The following IQCM variants were observed in gnomAD, a reference collection of about 807,000 sequenced individuals.
IQCM encodes the protein IQ domain-containing protein M.
A neutral mutation model predicts 57.6 loss-of-function variants in IQCM; 45 were observed. The ratio of observed to expected loss-of-function variants is 0.78; its 90% confidence interval spans 0.62 to 1.00. The LOEUF is 1.00. Among genes scored for constraint, IQCM ranks in the 50% least tolerant of loss-of-function variants. The pLI is 0.00. For missense variants in IQCM, 468 were observed against 511.6 expected (o/e 0.91, Z 0.82); for synonymous variants, 148 against 158.9 (o/e 0.93, Z 0.51).
intron 12 of IQCM, among the ~76,000 whole-genome samples, chr4:149,446,319 A>G (rs1314300096): frequency 6.6e-6 from 1 of 151,780 alleles, no homozygotes; most frequent in Non-Finnish European, 1.5e-5. Context: ...TCTTTGCGGT[A>G]AGCTAACTGG....
chr4:149,734,035 G>T (rs1277089063), intron 4 of IQCM, among the ~76,000 whole-genome samples: 1 of 151,886 alleles, frequency 6.6e-6, no homozygotes, highest in African/African-American at 2.4e-5. Flanking sequence ...AATCATAATT[G>T]CTTCTTTATT....
At chr4:149,449,413 A>G (rs1736863550) in intron 12 of IQCM, among the ~76,000 whole-genome samples, 1 of 145,822 alleles carries the variant, frequency 6.9e-6, no homozygotes, top group Non-Finnish European at 1.5e-5. Flanking sequence ...ATTTATATAT[A>G]TATAGTTCCT....
At chr4:149,424,046 A>C (rs947587319) in intron 13 of IQCM, among the ~76,000 whole-genome samples, 1 of 151,942 alleles carries the variant, frequency 6.6e-6, no homozygotes, top group Non-Finnish European at 1.5e-5. Context: ...GTAATCCTTC[A>C]TGTACACATT....
intron 13 of IQCM, among the ~76,000 whole-genome samples, chr4:149,369,013 T>G (rs1282772079): frequency 1.4e-5 from 1 of 69,318 alleles, no homozygotes; most frequent in Non-Finnish European, 2.8e-5. Flanking sequence ...TATATACACG[T>G]GTATATATAT....
chr4:149,377,326 A>G (rs989775164), intron 13 of IQCM, among the ~76,000 whole-genome samples: 6 of 152,148 alleles, frequency 3.9e-5, no homozygotes, highest in Non-Finnish European at 8.8e-5. Flanking sequence ...TAAACAAAAC[A>G]TTTCTGAAGA....
At chr4:149,461,596 A>G (rs1321482113) in intron 12 of IQCM, among the ~76,000 whole-genome samples, 1 of 150,646 alleles carries the variant, frequency 6.6e-6, no homozygotes, top group East Asian at 2.0e-4. Context: ...CGAGGCTGCC[A>G]TGAGCTGTGA....
intron 12 of IQCM, among the ~76,000 whole-genome samples, chr4:149,501,254 A>T (rs954013266): frequency 5.9e-5 from 9 of 152,320 alleles, no homozygotes; most frequent in African/African-American, 2.2e-4. Context: ...GATTGAACTA[A>T]TCACATTGTG....
At chr4:149,656,598 T>C (rs1299770880) in intron 7 of IQCM, among the ~76,000 whole-genome samples, 1 of 152,138 alleles carries the variant, frequency 6.6e-6, no homozygotes, top group African/African-American at 2.4e-5. Context: ...ACTTCCAAAA[T>C]GGATTGAGAA....
At chr4:149,386,966 A>C (rs1731472334) in intron 13 of IQCM, among the ~76,000 whole-genome samples, 1 of 152,046 alleles carries the variant, frequency 6.6e-6, no homozygotes, top group Admixed American at 6.6e-5. Context: ...ATATAGCACC[A>C]CAAATCAGGC....
chr4:149,731,270 A>G (rs1766432465), intron 5 of IQCM, among the ~76,000 whole-genome samples: 1 of 152,202 alleles, frequency 6.6e-6, no homozygotes, highest in Non-Finnish European at 1.5e-5. Context: ...GAGAGGTTTC[A>G]GAGAGCTGCT....
At chr4:149,668,943 C>A (rs1015510939) in intron 7 of IQCM, among the ~76,000 whole-genome samples, 2 of 152,092 alleles carry the variant, frequency 1.3e-5, no homozygotes, top group Admixed American at 1.3e-4. Flanking sequence ...CCTAAATAAT[C>A]AATATCAAGA....
chr4:149,539,218 A>G lies in IQCM; in HGVS notation c.1228+9237T>C, dbSNP rs555442594. ...ATATTTATACAAAGAAATCTCATTC[A>G]GCAATAAGAAAGAATATAGTACTTA... On this transcript the variant is annotated intron_variant, in intron 12 of 13. Coordinates refer to ENST00000636793, the MANE Select transcript of IQCM (RefSeq NM_001363507.2). 4.6e-5 allele frequency among the ~76,000 whole-genome samples: 7 copies of G among 152,304 alleles called. No individual in the cohort carries two copies. In the East Asian group the frequency reaches 1.4e-3, roughly 29 times the overall value.
At chr4:149,367,801 C>A (rs755759109) in intron 13 of IQCM, among the ~76,000 whole-genome samples, 1 of 152,000 alleles carries the variant, frequency 6.6e-6, no homozygotes, top group African/African-American at 2.4e-5. Context: ...TAGGTCTCAG[C>A]CAGCAAAAGA....
intron 13 of IQCM, among the ~76,000 whole-genome samples, chr4:149,396,515 A>AT (rs1372793464): frequency 6.6e-6 from 1 of 151,988 alleles, no homozygotes; most frequent in African/African-American, 2.4e-5. Flanking sequence ...TATCCCAGTG[A>AT]TTTTTGCATA....
chr4:149,407,482 C>A (rs1369994091), intron 13 of IQCM, among the ~76,000 whole-genome samples: 1 of 152,054 alleles, frequency 6.6e-6, no homozygotes, highest in Non-Finnish European at 1.5e-5. Context: ...GGTGCCCCAC[C>A]ATTTGGAGTC....
intron 12 of IQCM, among the ~76,000 whole-genome samples, chr4:149,495,300 G>T (rs1449330064): frequency 6.6e-6 from 1 of 152,162 alleles, no homozygotes; most frequent in Middle Eastern, 3.4e-3. Flanking sequence ...GAAAAGAATA[G>T]CTACCACGTA....
In IQCM at chr4:149,361,153, A is replaced by G. The variant is rs186878774; in HGVS notation, c.1391-9087T>C. Among the ~76,000 whole-genome samples, 400 of 152,306 alleles carry G rather than the reference A, an allele frequency of 2.6e-3. 4 individuals carry two copies. The highest frequency in any genetic ancestry group is 9.2e-3 in the African/African-American group (382 of 41,556). ...AGATCTGCAGAACTTTGAATTTGAG[A>G]AAGATGATTTAGGGTATCCGGTGGA... On this transcript the variant is annotated intron_variant, in intron 13 of 13. Coordinates refer to ENST00000636793, the MANE Select transcript of IQCM (RefSeq NM_001363507.2).
intron 8 of IQCM, among the ~76,000 whole-genome samples, chr4:149,619,819 A>G (rs1756160482): frequency 6.6e-6 from 1 of 152,200 alleles, no homozygotes; most frequent in Non-Finnish European, 1.5e-5. Context: ...TCATAAGGGT[A>G]GGGTCCTAAT....
chr4:149,414,796 G>A (rs1445368004), intron 13 of IQCM, among the ~76,000 whole-genome samples: 1 of 151,872 alleles, frequency 6.6e-6, no homozygotes, highest in Non-Finnish European at 1.5e-5. Context: ...CACACTGATA[G>A]AATAATCGGA....
Sources: gnomAD v4.1 joint callset for allele counts (sites outside exome capture counted in the v4.1 genomes callset) on GRCh38, gnomAD v4.1.1 for gene constraint, MANE v1.5 for transcripts, NCBI Gene and HGNC (gene_info 2026-07-23, HGNC 2026-07-21) for gene names.